PPP1R12B: variants seen among roughly 807,000 people sequenced by gnomAD.
The protein encoded by PPP1R12B is myosin phosphatase target subunit 2.
In PPP1R12B, 76 loss-of-function variants were observed where a neutral mutation model predicts 126.1. That is an observed-to-expected ratio of 0.60 (90% CI 0.50 to 0.73). PPP1R12B has a LOEUF of 0.73. Among genes scored for constraint, PPP1R12B ranks in the 30% least tolerant of loss-of-function variants. The pLI is 0.00. For missense variants in PPP1R12B, 1,052 were observed against 1,205.1 expected (o/e 0.87, Z 1.88); for synonymous variants, 356 against 434.7 (o/e 0.82, Z 2.25).
At chr1:202,398,392 T>C (rs1380666491) in intron 1 of PPP1R12B, among the ~76,000 whole-genome samples, 1 of 152,262 alleles carries the variant, frequency 6.6e-6, no homozygotes, top group Non-Finnish European at 1.5e-5. Flanking sequence ...CTCACTGTCA[T>C]GTTAGTGTCA....
intron 1 of PPP1R12B, among the ~76,000 whole-genome samples, chr1:202,351,073 A>G (rs1448712182): frequency 6.6e-6 from 1 of 152,150 alleles, no homozygotes; most frequent in Non-Finnish European, 1.5e-5. Flanking sequence ...ATTCAGCTAA[A>G]AATTAAGCTG....
chr1:202,441,596 A>C, intron 11 of PPP1R12B, among the ~76,000 whole-genome samples: 1 of 152,302 alleles, frequency 6.6e-6, no homozygotes, highest in East Asian at 1.9e-4. Context: ...GTTCTAGAGA[A>C]CCTTGTGAAG....
intron 1 of PPP1R12B, among the ~76,000 whole-genome samples, chr1:202,349,916 C>T (rs777869107): frequency 6.6e-6 from 1 of 152,078 alleles, no homozygotes; most frequent in Non-Finnish European, 1.5e-5. Flanking sequence ...GTAACGACAC[C>T]TTTACTTCTG....
At chr1:202,524,430 C>A (rs754339940) in intron 18 of PPP1R12B, among the ~76,000 whole-genome samples, 1 of 152,026 alleles carries the variant, frequency 6.6e-6, no homozygotes, top group Non-Finnish European at 1.5e-5. Flanking sequence ...TGAATAAGTT[C>A]TTTAGTGTGA....
chr1:202,404,734 C>A (rs1280574066), intron 1 of PPP1R12B, among the ~76,000 whole-genome samples: 2 of 152,142 alleles, frequency 1.3e-5, no homozygotes, highest in South Asian at 4.1e-4. Context: ...ATCTCCTGAC[C>A]TCATGATCCG....
intron 18 of PPP1R12B, among the ~76,000 whole-genome samples, chr1:202,544,369 G>T (rs1685439157): frequency 6.6e-6 from 1 of 152,064 alleles, no homozygotes; most frequent in African/African-American, 2.4e-5. Flanking sequence ...AGATGGTTTA[G>T]CATTTTTAAA....
chr1:202,351,369 G>C (rs1012718702), intron 1 of PPP1R12B, among the ~76,000 whole-genome samples: 3 of 152,068 alleles, frequency 2.0e-5, no homozygotes, highest in African/African-American at 7.2e-5. Flanking sequence ...CTCCCAAGTA[G>C]CTGGAACTAT....
At chr1:202,449,955 G>T (rs1023649489) in intron 13 of PPP1R12B, among the ~76,000 whole-genome samples, 2 of 152,148 alleles carry the variant, frequency 1.3e-5, no homozygotes, top group African/African-American at 4.8e-5. Context: ...CAAAGTGCTG[G>T]GATTACAGGC....
At chr1:202,369,779 C>G (rs1415938389) in intron 1 of PPP1R12B, 1 of 152,450 alleles carries the variant, frequency 6.6e-6, no homozygotes, top group Non-Finnish European at 1.4e-5. Flanking sequence ...CTCGCTTTAC[C>G]ATGGTGTGGC....
chr1:202,381,793 T>G (rs1028549020), intron 1 of PPP1R12B, among the ~76,000 whole-genome samples: 5 of 152,180 alleles, frequency 3.3e-5, no homozygotes, highest in Non-Finnish European at 7.3e-5. Context: ...CCTAACCTTC[T>G]CATGGACTAG....
At chr1:202,442,705 G>A in intron 12 of PPP1R12B, 133 bp downstream of exon 12, 1 of 983,438 alleles carries the variant, frequency 1.0e-6, no homozygotes, top group South Asian at 2.5e-5. Context: ...AGGTTTCTTA[G>A]AATTAACATC....
rs550100693 is a variant in PPP1R12B, at chr1:202,510,278, A to G, written c.2490+13456A>G. ...TAATAACCTAATGGGTAAAGCTTCT[A>G]TAGTAGTCTCCTTCAAACCTGTCAG... On this transcript the variant is annotated intron_variant, in intron 18 of 23. Transcript: ENST00000608999. Among the ~76,000 whole-genome samples, 7 of 152,322 alleles carry G rather than the reference A, an allele frequency of 4.6e-5. No individual in the cohort carries two copies. In the South Asian group the frequency reaches 1.4e-3, roughly 32 times the overall value.
At chr1:202,390,940 TGTAGTCCCA>T (rs1157910111) in intron 1 of PPP1R12B, among the ~76,000 whole-genome samples, 5 of 152,156 alleles carry the variant, frequency 3.3e-5, no homozygotes, top group African/African-American at 1.2e-4. Flanking sequence ...GGCACACACC[TGTAGTCCCA>T]GCTGCTGGAG....
chr1:202,370,703 A>AT (rs1371788112), intron 1 of PPP1R12B, among the ~76,000 whole-genome samples: 3 of 151,720 alleles, frequency 2.0e-5, no homozygotes, highest in African/African-American at 7.3e-5. Flanking sequence ...CACCCAACTA[A>AT]TTTTTTGTAC....
intron 18 of PPP1R12B, among the ~76,000 whole-genome samples, chr1:202,529,329 A>G (rs1293130979): frequency 6.6e-6 from 1 of 151,620 alleles, no homozygotes; most frequent in Non-Finnish European, 1.5e-5. Context: ...AAGAAGTTAG[A>G]TGTTAAGTTT....
intron 1 of PPP1R12B, among the ~76,000 whole-genome samples, chr1:202,359,456 G>A (rs547188683): frequency 4.0e-4 from 61 of 151,594 alleles, no homozygotes; most frequent in African/African-American, 1.5e-3. Flanking sequence ...TAAATATTTC[G>A]ATATATATCT....
chr1:202,348,910 C>T lies in PPP1R12B; in HGVS notation c.59C>T (p.Ala20Val), dbSNP rs367969523. The change falls in exon 1 of 24, where the codon GCA becomes GTA. Residue 20 changes from alanine to valine, a missense_variant. Physicochemically the swap from Ala to Val is moderately conservative, Grantham distance 64. Coordinates refer to ENST00000608999, the MANE Select transcript of PPP1R12B (RefSeq NM_002481.4). ...KRAESARMRRAEQLRRWRGSL... is the reference protein window; with the variant it reads ...KRAESARMRRVEQLRRWRGSL... Reference sequence around the variant, plus strand: ...GCAGAGTCGGCGCGAATGCGGCGGGCAGAGCAGCTTCGGCGCTGGCGGGGC... The same window carrying T: ...GCAGAGTCGGCGCGAATGCGGCGGGTAGAGCAGCTTCGGCGCTGGCGGGGC... 6.2e-7 allele frequency: 1 copy of T among 1,609,528 alleles called. No individual in the cohort carries two copies.
intron 13 of PPP1R12B, among the ~76,000 whole-genome samples, chr1:202,463,505 G>A (rs1012019758): frequency 2.0e-5 from 3 of 152,108 alleles, no homozygotes; most frequent in African/African-American, 2.4e-5. Context: ...ACAGAAAAAA[G>A]TATTGTTGGA....
chr1:202,439,729 CTGAGGCCCT>C, intron 10 of PPP1R12B: 1 of 570,332 alleles, frequency 1.8e-6, no homozygotes, highest in Non-Finnish European at 3.2e-6. Flanking sequence ...GCAGGAGGGA[CTGAGGCCCT>C]CTAGGAGGAA....
Sources: allele counts gnomAD v4.1 joint callset (sites outside exome capture counted in the v4.1 genomes callset), GRCh38; gene constraint gnomAD v4.1.1; transcripts MANE v1.5; gene names NCBI Gene and HGNC (gene_info 2026-07-23, HGNC 2026-07-21).